RNF220: variants seen among roughly 807,000 people sequenced by gnomAD.
The protein encoded by RNF220 is E3 ubiquitin-protein ligase RNF220.
Under a neutral mutation model 67.1 loss-of-function variants are expected in RNF220, and 7 were observed. That is an observed-to-expected ratio of 0.10 (90% confidence interval 0.06 to 0.20). The LOEUF (loss-of-function observed/expected upper bound fraction) is 0.20, where lower values mean the gene tolerates loss of function less well. RNF220 is among the 10% of genes least tolerant of loss of function. RNF220 has a pLI of 1.00. For synonymous variants in RNF220, 270 were observed against 283.2 expected (o/e 0.95, Z 0.47); for missense variants, 565 against 740.3 (o/e 0.76, Z 2.75).
chr1:44,538,503 C>T (rs1661414730), intron 2 of RNF220, among the ~76,000 whole-genome samples: 1 of 152,238 alleles, frequency 6.6e-6, no homozygotes, highest in Non-Finnish European at 1.5e-5. Flanking sequence ...TGCAAGTAAA[C>T]TGCTCTCTCA....
intron 2 of RNF220, among the ~76,000 whole-genome samples, chr1:44,478,048 G>A (rs1259312885): frequency 6.6e-6 from 1 of 151,986 alleles, no homozygotes; most frequent in African/African-American, 2.4e-5. Flanking sequence ...GCACAATCTC[G>A]GCTCACTGCA....
At chr1:44,571,607 T>C (rs1466073022) in intron 2 of RNF220, among the ~76,000 whole-genome samples, 2 of 152,228 alleles carry the variant, frequency 1.3e-5, no homozygotes, top group Non-Finnish European at 2.9e-5. Context: ...TTTGCTCTGC[T>C]TTTGTCTGCA....
chr1:44,563,598 C>T (rs1288529905), intron 2 of RNF220, among the ~76,000 whole-genome samples: 1 of 152,160 alleles, frequency 6.6e-6, no homozygotes, highest in Non-Finnish European at 1.5e-5. Context: ...TGCAAAGACA[C>T]CATAGAGCTG....
chr1:44,417,800 C>A lies in RNF220; in HGVS notation c.625+5078C>A, dbSNP rs1648721009. Among the ~76,000 whole-genome samples the A allele has an allele frequency of 6.6e-6, 1 of 152,144 alleles. No individual in the cohort carries two copies. Among genetic ancestry groups the A allele is most frequent in the African/African-American group, 2.4e-5 (1 of 41,436 alleles). On this transcript the variant is annotated intron_variant, in intron 2 of 14. Coordinates refer to ENST00000361799, the MANE Select transcript of RNF220 (RefSeq NM_018150.4). This position sits in a 1 kb window ranked among gnomAD's most constrained non-coding sequence, Gnocchi z 4.0. The stretch of plus-strand genomic sequence containing the variant: ...GAGAACTGGCCCCGGGGAGGCCAGG[C>A]CACGGGGTGGGCCCCGTTCGCTTAC...
At chr1:44,457,411 G>A (rs1653302243) in intron 2 of RNF220, among the ~76,000 whole-genome samples, 1 of 152,138 alleles carries the variant, frequency 6.6e-6, no homozygotes, top group African/African-American at 2.4e-5. Context: ...CAATTAGAGA[G>A]GGAGTGAAGA....
intron 2 of RNF220, among the ~76,000 whole-genome samples, chr1:44,497,705 CATG>C (rs1657463002): frequency 6.6e-6 from 1 of 152,196 alleles, no homozygotes; most frequent in African/African-American, 2.4e-5. Flanking sequence ...TTCCTTGGTA[CATG>C]CAAATCTCTC....
At chr1:44,547,936 C>T (rs1662300942) in intron 2 of RNF220, among the ~76,000 whole-genome samples, 1 of 152,100 alleles carries the variant, frequency 6.6e-6, no homozygotes, top group South Asian at 2.1e-4. Flanking sequence ...GTATCTCAAC[C>T]CAGACTCTTA....
At chr1:44,526,209 C>G (rs272536) in intron 2 of RNF220, among the ~76,000 whole-genome samples, 47,996 of 152,096 alleles carry the variant, frequency 0.32, 8,525 homozygotes, top group East Asian at 0.55. Context: ...ACCATTTCAA[C>G]TGGTGTCACC....
Position 44,449,429 on chromosome 1 carries a change from CT to C in RNF220, c.625+36718del, listed in dbSNP as rs377466741. Among the ~76,000 whole-genome samples the C allele has an allele frequency of 3.8e-3, 566 of 147,908 alleles. 4 individuals carry two copies. Among genetic ancestry groups the C allele is most frequent in the African/African-American group, 0.012 (494 of 40,590 alleles). On this transcript the variant is annotated intron_variant, in intron 2 of 14. Transcript: ENST00000361799. ...AGTTAGCAAAAACTGTATATTCTAC[CT>C]TTTTTTTTTTCCTCACCCTGTCACC...
chr1:44,631,797 A>G (rs1175824480), intron 5 of RNF220: 1 of 625,012 alleles, frequency 1.6e-6, no homozygotes, highest in Non-Finnish European at 2.0e-6. Flanking sequence ...AGGACTTCGC[A>G]GCCGCTAAAG....
At chr1:44,646,028 G>C (rs1644635894) in intron 12 of RNF220, among the ~76,000 whole-genome samples, 1 of 152,188 alleles carries the variant, frequency 6.6e-6, no homozygotes, top group Non-Finnish European at 1.5e-5. Flanking sequence ...CAAAGATTTG[G>C]TATCAGCTGG....
intron 2 of RNF220, among the ~76,000 whole-genome samples, chr1:44,571,312 C>T (rs138608652): frequency 6.6e-6 from 1 of 152,320 alleles, no homozygotes; most frequent in African/African-American, 2.4e-5. Flanking sequence ...TGAAACACTC[C>T]TCCTTCGCAG....
intron 2 of RNF220, among the ~76,000 whole-genome samples, chr1:44,603,524 T>C (rs567287468): frequency 6.6e-6 from 1 of 152,368 alleles, no homozygotes; most frequent in Admixed American, 6.5e-5. Flanking sequence ...CATTGTTGGC[T>C]CCGCCGCTGC....
At chr1:44,625,932 G>C (rs1643926518) in intron 4 of RNF220, among the ~76,000 whole-genome samples, 1 of 152,096 alleles carries the variant, frequency 6.6e-6, no homozygotes, top group African/African-American at 2.4e-5. Context: ...CGGGGTAGCG[G>C]GTATATGGCT....
In RNF220 at chr1:44,636,037, G is replaced by A. The variant is rs770400675; in HGVS notation, c.1001G>A (p.Gly334Asp). ...CTGCTCTGCTCTTCACAGAGGGAAG[G>A]CTCCTGCATGGCTGAGGATGATGCT... ...RRKQDEGQREGSCMAEDDAVD... is the reference protein window; with the variant it reads ...RRKQDEGQREDSCMAEDDAVD... Residue 334 changes from glycine to aspartate, a missense_variant, in exon 8 of 15, where the codon GGC becomes GAC. Coordinates refer to ENST00000361799, the MANE Select transcript of RNF220 (RefSeq NM_018150.4). 14 of 1,614,246 alleles carry A rather than the reference G, an allele frequency of 8.7e-6. No homozygotes were observed. The South Asian group carries it at 1.5e-4, about 18-fold the overall frequency.
At chr1:44,556,856 G>C (rs1263739877) in intron 2 of RNF220, among the ~76,000 whole-genome samples, 1 of 152,016 alleles carries the variant, frequency 6.6e-6, no homozygotes, top group East Asian at 1.9e-4. Flanking sequence ...ACCGCGCCCG[G>C]CCTCTTCCTG....
At chr1:44,424,194 A>AGGG (rs1222040028) in intron 2 of RNF220, 1 of 211,596 alleles carries the variant, frequency 4.7e-6, no homozygotes, top group Non-Finnish European at 8.2e-6. Context: ...AATAACAGAC[A>AGGG]GTAAGGGCAC....
At chr1:44,619,919 A>G (rs542376680) in intron 3 of RNF220, among the ~76,000 whole-genome samples, 10 of 152,172 alleles carry the variant, frequency 6.6e-5, no homozygotes, top group African/African-American at 2.2e-4. Context: ...GGTAGTACCA[A>G]TGCAATGCAA....
At chr1:44,579,905 T>C (rs964725301) in intron 2 of RNF220, among the ~76,000 whole-genome samples, 2 of 150,604 alleles carry the variant, frequency 1.3e-5, no homozygotes, top group African/African-American at 2.4e-5. Flanking sequence ...GTGGCGTGCA[T>C]CTGTAGTCCC....
Sources: gnomAD v4.1 joint callset for allele counts (sites outside exome capture counted in the v4.1 genomes callset) on GRCh38, gnomAD v4.1.1 for gene constraint, Gnocchi (gnomAD v3.1) non-coding constraint, MANE v1.5 for transcripts, NCBI Gene and HGNC (gene_info 2026-07-23, HGNC 2026-07-21) for gene names.